The following HBM variants were observed in gnomAD, a reference collection of about 807,000 sequenced individuals.
HBM encodes the protein hemoglobin subunit mu.
Under a neutral mutation model 12.8 loss-of-function variants are expected in HBM, and 9 were observed. The ratio of observed to expected loss-of-function variants is 0.70; its 90% confidence interval spans 0.42 to 1.23. The LOEUF (loss-of-function observed/expected upper bound fraction) is 1.23. HBM is among the 50% of genes most tolerant of loss of function. The pLI is 0.00. For missense variants in HBM, 214 were observed against 195.4 expected (o/e 1.10, Z -0.57); for synonymous variants, 100 against 92.0 (o/e 1.09, Z -0.50).
Position 166,653 on chromosome 16 carries a change from CG to C in HBM, c.372del (p.Trp125GlyfsTer5), listed in dbSNP as rs1207324944. Reference protein sequence around the residue: ...QDEFTVQMQAAWDKFLTGVAV... With the variant: ...QDEFTVQMQAXWDKFLTGVAV... ...GAGTTCACCGTGCAAATGCAAGCGG[CG>C]TGGGACAAGTTCCTGACTGGTGTGG... On this transcript the variant is annotated frameshift_variant, in exon 3 of 3. Coordinates refer to ENST00000356815, the MANE Select transcript of HBM (RefSeq NM_001003938.4). LOFTEE classifies it high-confidence loss of function. 1 of 1,614,000 alleles carries C rather than the reference CG, an allele frequency of 6.2e-7. No individual in the cohort carries two copies. Among genetic ancestry groups the C allele is most frequent in the Non-Finnish European group, 8.5e-7 (1 of 1,180,006 alleles).
At position 166,420 on chromosome 16, in the gene HBM, C is replaced by T. The variant is rs756687997; in HGVS notation, c.245C>T (p.Pro82Leu). The T allele has an allele frequency of 5.1e-6, 8 of 1,553,466 alleles. No individual in the cohort carries two copies. The highest frequency in any genetic ancestry group is 1.9e-5 in the Admixed American group (1 of 52,834). ...HVDNLRAALSPLADLHALVLR... is the reference protein window; with the variant it reads ...HVDNLRAALSLLADLHALVLR... ...GACAACCTGCGCGCCGCGCTGAGCC[C>T]GCTGGCGGACCTGCACGCGCTCGTG... Residue 82 changes from proline (P) to leucine (L), a missense_variant, in exon 2 of 3, where the codon CCG becomes CTG. Physicochemically the swap from Pro to Leu is moderately conservative, Grantham distance 98. Transcript: ENST00000356815.
chr16:166,162 C>G (rs1901906891), intron 1 of HBM, 73 bp downstream of exon 1: 2 of 1,465,538 alleles, frequency 1.4e-6, no homozygotes, highest in Admixed American at 3.9e-5. Context: ...GCCGCCAACG[C>G]CATCCAAGGT....
intron 1 of HBM, 74 bp from the exon 2 acceptor site, chr16:166,194 G>GT: frequency 6.7e-7 from 1 of 1,485,794 alleles, no homozygotes. Flanking sequence ...GGATCCCCGG[G>GT]CTCTGGGCGG....
chr16:166,189 C>T, intron 1 of HBM, 79 bp from the exon 2 acceptor site: 1 of 1,390,888 alleles, frequency 7.2e-7, no homozygotes, highest in South Asian at 1.2e-5. Context: ...GGTGCGGATC[C>T]CCGGGCTCTG....
Position 166,322 on chromosome 16 carries a change from C to G in HBM, c.147C>G (p.Cys49Trp), listed in dbSNP as rs763233687. 1 of 1,595,260 alleles carries G rather than the reference C, an allele frequency of 6.3e-7. No homozygotes were observed. Among genetic ancestry groups the G allele is most frequent in the Non-Finnish European group, 8.5e-7 (1 of 1,178,594 alleles). Reference protein sequence around the residue: ...TKVYFPHLSACQDATQLLSHG... With the variant: ...TKVYFPHLSAWQDATQLLSHG... ...TCTACTTCCCGCACCTGAGCGCCTG[C>G]CAGGACGCGACGCAGCTGCTGAGCC... Residue 49 changes from cysteine to tryptophan, a missense_variant, in exon 2 of 3, where the codon TGC (cysteine) becomes TGG (tryptophan). By Grantham distance (215) the Cys-to-Trp change is radical. Coordinates refer to ENST00000356815, the MANE Select transcript of HBM (RefSeq NM_001003938.4).
intron 1 of HBM, 64 bp downstream of exon 1, chr16:166,153 C>T: frequency 2.0e-6 from 3 of 1,477,258 alleles, no homozygotes; most frequent in Non-Finnish European, 2.8e-6. Flanking sequence ...GGCGCGTGGG[C>T]CGCCAACGCC....
rs914417058 is a variant in HBM at position 166,370 on chromosome 16, T to C, written c.195T>C (p.Ala65=). Residue 65 remains alanine, a synonymous_variant, in exon 2 of 3, where the codon GCT becomes GCC. Coordinates refer to ENST00000356815, the MANE Select transcript of HBM (RefSeq NM_001003938.4). ...GCCACGGGCAGCGCATGCTGGCGGC[T>C]GTGGGCGCGGCGGTGCAGCACGTGG... ...LLSHGQRMLA[A]VGAAVQHVDN... 1 of 1,584,298 alleles carries C rather than the reference T, an allele frequency of 6.3e-7. No homozygotes were observed. Among genetic ancestry groups the C allele is most frequent in the Non-Finnish European group, 8.5e-7 (1 of 1,173,596 alleles).
At chr16:166,531 G>T in intron 2 of HBM, 49 bp from the exon 3 acceptor site, 1 of 1,594,758 alleles carries the variant, frequency 6.3e-7, no homozygotes. Flanking sequence ...GGGGGCTCTG[G>T]GGGTCCCTAG....
intron 2 of HBM, 33 bp downstream of exon 2, chr16:166,505 C>G: frequency 1.3e-6 from 2 of 1,555,550 alleles, no homozygotes; most frequent in Non-Finnish European, 1.7e-6. Flanking sequence ...AATGGTGCAG[C>G]GCGCAGCCGG....
In HBM at chr16:166,012, G is replaced by C. The variant is rs759235420; in HGVS notation, c.15G>C (p.Gln5His). The change falls in exon 1 of 3, where the codon CAG (glutamine) becomes CAC (histidine). Residue 5 changes from glutamine (Q) to histidine (H), a missense_variant. Gln to His is a conservative substitution (Grantham distance 24, BLOSUM62 0). Transcript: ENST00000356815. ...CAGGCGGCGCCATGCTCAGCGCCCA[G>C]GAGCGCGCCCAAATCGCGCAGGTCT... is the stretch of plus-strand genomic sequence containing the variant. MLSA[Q>H]ERAQIAQVWD... 2.5e-6 allele frequency: 4 copies of C among 1,590,148 alleles called. No homozygotes were observed. The highest frequency in any genetic ancestry group is 1.7e-5 in the Admixed American group (1 of 57,344).
chr16:166,349 C>A lies in HBM; in HGVS notation c.174C>A (p.His58Gln). The change falls in exon 2 of 3, where the codon CAC becomes CAA. Residue 58 changes from histidine to glutamine, a missense_variant. By Grantham distance (24) the His-to-Gln change is conservative. Coordinates refer to ENST00000356815, the MANE Select transcript of HBM (RefSeq NM_001003938.4). ...AGGACGCGACGCAGCTGCTGAGCCA[C>A]GGGCAGCGCATGCTGGCGGCTGTGG... ...ACQDATQLLS[H>Q]GQRMLAAVGA... 1 of 1,593,062 alleles carries A rather than the reference C, an allele frequency of 6.3e-7. No homozygotes were observed. The highest frequency in any genetic ancestry group is 8.5e-7 in the Non-Finnish European group (1 of 1,177,624).
chr16:166,641 A>G lies in HBM; in HGVS notation c.359A>G (p.Gln120Arg). Residue 120 changes from glutamine to arginine, a missense_variant, in exon 3 of 3, where the codon CAA (glutamine) becomes CGA (arginine). By Grantham distance (43) the Gln-to-Arg change is conservative (BLOSUM62 1). Coordinates refer to ENST00000356815, the MANE Select transcript of HBM (RefSeq NM_001003938.4). ...CACCTGCAGGACGAGTTCACCGTGC[A>G]AATGCAAGCGGCGTGGGACAAGTTC... ...ASHLQDEFTVQMQAAWDKFLT... is the reference protein window; with the variant it reads ...ASHLQDEFTVRMQAAWDKFLT... 6.2e-7 allele frequency: 1 copy of G among 1,614,154 alleles called. No individual in the cohort carries two copies. The highest frequency in any genetic ancestry group is 2.2e-5 in the East Asian group (1 of 44,874).
rs1172212830 is a variant in HBM at position 166,470 on chromosome 16, C to A, written c.295C>A (p.Pro99Thr). The A allele has an allele frequency of 1.3e-6, 2 of 1,551,534 alleles. No individual in the cohort carries two copies. The highest frequency in any genetic ancestry group is 2.3e-5 in the South Asian group (2 of 85,624). ...GCTGCGCGTGGACCCAGCCAACTTT[C>A]CGGTGAGGCCTTTCCGGCCGGGGCA... ...LVLRVDPANF[P>T]LLIQCFHVVL... The change falls in exon 2 of 3, where the codon CCG becomes ACG. Residue 99 changes from proline (P) to threonine (T), a missense_variant and splice_region_variant. Physicochemically the swap from Pro to Thr is conservative, Grantham distance 38. Transcript: ENST00000356815.
intron 1 of HBM, 77 bp from the exon 2 acceptor site, chr16:166,191 C>T (rs112695301): frequency 6.9e-7 from 1 of 1,454,740 alleles, no homozygotes; most frequent in South Asian, 1.2e-5. Context: ...TGCGGATCCC[C>T]GGGCTCTGGG....
At chr16:166,176 T>C (rs949057488) in intron 1 of HBM, 87 bp downstream of exon 1, 14 of 1,411,090 alleles carry the variant, frequency 9.9e-6, no homozygotes, top group Non-Finnish European at 1.3e-5. Flanking sequence ...CCAAGGTCCT[T>C]CGGGTGCGGA....
In HBM at chr16:166,253, G is replaced by T; in HGVS notation, c.93-15G>T. The T allele has an allele frequency of 6.3e-7, 1 of 1,585,510 alleles. No individual in the cohort carries two copies. The highest frequency in any genetic ancestry group is 1.1e-5 in the South Asian group (1 of 89,214). On this transcript the variant is annotated splice_polypyrimidine_tract_variant and intron_variant, in intron 1 of 2. Coordinates refer to ENST00000356815, the MANE Select transcript of HBM (RefSeq NM_001003938.4). ...GCAGCCGCCCTCCTCCCCGGTCACTGACCTGGTCCTGCAGGCTCTTCACGG... is the reference window on the plus strand; with the variant it reads ...GCAGCCGCCCTCCTCCCCGGTCACTTACCTGGTCCTGCAGGCTCTTCACGG...
Position 166,702 on chromosome 16 carries a change from C to T in HBM, c.420C>T (p.Tyr140=). Residue 140 remains tyrosine (Y), a synonymous_variant, in exon 3 of 3, where the codon TAC becomes TAT. Coordinates refer to ENST00000356815, the MANE Select transcript of HBM (RefSeq NM_001003938.4). ...TGVAVVLTEK[Y]R Reference sequence around the variant, plus strand: ...TGGCCGTGGTGCTGACCGAAAAATACCGCTGAGCCCTGTGCTGCGCAGGCC... The same window carrying T: ...TGGCCGTGGTGCTGACCGAAAAATATCGCTGAGCCCTGTGCTGCGCAGGCC... 1 of 1,614,058 alleles carries T rather than the reference C, an allele frequency of 6.2e-7. No individual in the cohort carries two copies. Among genetic ancestry groups the T allele is most frequent in the Non-Finnish European group, 8.5e-7 (1 of 1,179,974 alleles).
intron 2 of HBM, 21 bp downstream of exon 2, chr16:166,493 G>T (rs767922500): frequency 6.4e-7 from 1 of 1,558,560 alleles, no homozygotes; most frequent in Non-Finnish European, 8.7e-7. Flanking sequence ...TCCGGCCGGG[G>T]CAATGGTGCA....
Position 166,401 on chromosome 16 carries a change from C to A in HBM, c.226C>A (p.Leu76Met). The A allele has an allele frequency of 1.3e-6, 2 of 1,564,260 alleles. No individual in the cohort carries two copies. Among genetic ancestry groups the A allele is most frequent in the Non-Finnish European group, 1.7e-6 (2 of 1,162,876 alleles). ...CGCGGCGGTGCAGCACGTGGACAAC[C>A]TGCGCGCCGCGCTGAGCCCGCTGGC... ...VGAAVQHVDN[L>M]RAALSPLADL... Residue 76 changes from leucine to methionine, a missense_variant, in exon 2 of 3, where the codon CTG becomes ATG. Coordinates refer to ENST00000356815, the MANE Select transcript of HBM (RefSeq NM_001003938.4).
Sources: allele counts gnomAD v4.1 joint callset, GRCh38; gene constraint gnomAD v4.1.1; transcripts MANE v1.5; gene names NCBI Gene and HGNC (gene_info 2026-07-23, HGNC 2026-07-21).